The following ZNF626 variants were observed in gnomAD, a reference collection of about 807,000 sequenced individuals.
The protein encoded by ZNF626 is CTC-513N18.7.
ZNF626 carries 4 observed loss-of-function variants against 11.7 expected under a neutral mutation model. The ratio of observed to expected loss-of-function variants is 0.34; its 90% CI spans 0.17 to 0.78. The LOEUF (loss-of-function observed/expected upper bound fraction) is 0.78, where lower values mean the gene tolerates loss of function less well. Ranked by LOEUF, ZNF626 falls within the 30% of genes least tolerant of loss-of-function variation. The probability of loss-of-function intolerance (pLI) is 0.57; values close to 1 mark genes in which losing one functional copy is unlikely to be tolerated. For synonymous variants in ZNF626, 179 were observed against 198.6 expected, an observed-to-expected ratio of 0.90 and a Z score of 0.83; for missense variants, 588 against 587.1, an observed-to-expected ratio of 1.00 and a Z score of -0.01.
chr19:20,654,367 T>G (rs1220931039), intron 1 of ZNF626, among the ~76,000 whole-genome samples: 1 of 141,668 alleles, frequency 7.1e-6, no homozygotes, highest in Non-Finnish European at 1.6e-5. Flanking sequence ...TGCTTGAACC[T>G]CGGAGGCGGA....
chr19:20,653,765 G>A (rs1157722249), intron 1 of ZNF626, among the ~76,000 whole-genome samples: 1 of 152,076 alleles, frequency 6.6e-6, no homozygotes, highest in East Asian at 1.9e-4. Flanking sequence ...CATTGAATGG[G>A]GGTCTATATT....
At chr19:20,632,221 A>G (rs1555770435) in intron 3 of ZNF626, among the ~76,000 whole-genome samples, 1 of 151,986 alleles carries the variant, frequency 6.6e-6, no homozygotes, top group African/African-American at 2.4e-5. Context: ...TGCTCTTAAC[A>G]TTTTTTCCTT....
At chr19:20,627,523 G>A (rs1435673123) in intron 3 of ZNF626, among the ~76,000 whole-genome samples, 1 of 151,692 alleles carries the variant, frequency 6.6e-6, no homozygotes, top group East Asian at 1.9e-4. Context: ...GAAAGAAAAG[G>A]AAAGACAAAG....
intron 3 of ZNF626, among the ~76,000 whole-genome samples, chr19:20,626,610 T>C (rs576899280): frequency 3.7e-4 from 56 of 152,014 alleles, no homozygotes; most frequent in African/African-American, 1.2e-3. Flanking sequence ...CCCAGCTACT[T>C]GGGAGGCTGA....
In ZNF626 at chr19:20,625,251, G is replaced by C. The variant is rs1969813127; in HGVS notation, c.626C>G (p.Ala209Gly). ...AGTAAGGCTACAAGAGTGGTTAAAG[G>C]CTTTGCCACATTCTTCACATTTGTA... ...KPYKCEECGK[A>G]FNHSCSLTRH... Residue 209 changes from alanine to glycine, a missense_variant, in exon 4 of 4, where the codon GCC becomes GGC. Physicochemically the swap from Ala to Gly is moderately conservative, Grantham distance 60. Coordinates refer to ENST00000601440, the MANE Select transcript of ZNF626 (RefSeq NM_001076675.3). 1 of 1,613,576 alleles carries C rather than the reference G, an allele frequency of 6.2e-7. No individual in the cohort carries two copies. Among genetic ancestry groups the C allele is most frequent in the African/African-American group, 1.3e-5 (1 of 74,904 alleles).
intron 3 of ZNF626, among the ~76,000 whole-genome samples, chr19:20,626,806 G>A (rs1555769808): frequency 1.3e-5 from 2 of 150,740 alleles, no homozygotes; most frequent in East Asian, 4.0e-4. Context: ...TTTGAGGTCA[G>A]GAGTCCAAAA....
At position 20,625,197 on chromosome 19, in the gene ZNF626, T is replaced by C; in HGVS notation, c.680A>G (p.Lys227Arg). 6.2e-7 allele frequency: 1 copy of C among 1,613,306 alleles called. No individual in the cohort carries two copies. Among genetic ancestry groups the C allele is most frequent in the South Asian group, 1.1e-5 (1 of 91,066 alleles). ...GCCACATTCTTCACATTTGTAGGGT[T>C]TCTCTCCAGTATGAATTTTCTTATG... ...TRHKKIHTGE[K>R]PYKCEECGKA... Residue 227 changes from lysine (K) to arginine (R), a missense_variant, in exon 4 of 4, where the codon AAA (lysine) becomes AGA (arginine). This residue lies in a region of ZNF626 where 524 missense variants were observed against 470.1 expected (regional missense o/e 1.11). Transcript: ENST00000601440.
intron 1 of ZNF626, among the ~76,000 whole-genome samples, chr19:20,658,819 A>G (rs782169001): frequency 2.0e-5 from 3 of 152,118 alleles, no homozygotes; most frequent in South Asian, 2.1e-4. Flanking sequence ...GCAGAGGCCA[A>G]TCAAAAACCC....
At chr19:20,645,494 G>A in intron 3 of ZNF626, 190 bp downstream of exon 3, 5 of 1,584,230 alleles carry the variant, frequency 3.2e-6, no homozygotes, top group Non-Finnish European at 4.3e-6. Context: ...GCATAAGACA[G>A]AAGATGCCCC....
At chr19:20,629,837 G>C (rs11085367) in intron 3 of ZNF626, among the ~76,000 whole-genome samples, 68,309 of 151,980 alleles carry the variant, frequency 0.45, 16,627 homozygotes, top group African/African-American at 0.64. Flanking sequence ...TGGTGAGAGA[G>C]GGCATCCCTG....
chr19:20,661,552 C>T lies in ZNF626; in HGVS notation c.-106G>A. Reference sequence around the variant, plus strand: ...TTTAGGAGAAGAACCAGACCTGGAGCTCTGACTGCAGCGAGAGACAAAGGC... The same window carrying T: ...TTTAGGAGAAGAACCAGACCTGGAGTTCTGACTGCAGCGAGAGACAAAGGC... On this transcript the variant is annotated 5_prime_UTR_variant, in exon 1 of 4. Coordinates refer to ENST00000601440, the MANE Select transcript of ZNF626 (RefSeq NM_001076675.3). 1.5e-6 allele frequency: 2 copies of T among 1,302,946 alleles called. No homozygotes were observed. The highest frequency in any genetic ancestry group is 1.3e-5 in the South Asian group (1 of 75,220). The allele number at this position is 1,302,946 out of a possible 1,614,324, so 80.7% of individuals were successfully genotyped here.
intron 1 of ZNF626, among the ~76,000 whole-genome samples, chr19:20,660,091 G>C (rs958506220): frequency 1.3e-5 from 2 of 151,776 alleles, no homozygotes; most frequent in African/African-American, 4.8e-5. Context: ...GAGAAAACCC[G>C]TCTCTACTAA....
rs1419773171 is a variant in ZNF626 at position 20,622,319 on chromosome 19, AT to A, written c.*1970del. The A allele has an allele frequency of 6.6e-6, 1 of 152,214 alleles. No homozygotes were observed. Among genetic ancestry groups the A allele is most frequent in the African/African-American group, 2.4e-5 (1 of 41,464 alleles). 9.4% of individuals were successfully genotyped at this position (152,214 alleles called of 1,614,324 possible). ...AATAATTGATATACTTTAATTTATA[AT>A]TTCTTTCTCTCAGTATAATGTAGAA... On this transcript the variant is annotated 3_prime_UTR_variant, in exon 4 of 4. Transcript: ENST00000601440.
In ZNF626 at chr19:20,624,702, G is replaced by C. The variant is rs782104505; in HGVS notation, c.1175C>G (p.Thr392Ser). ...SDLTTHKIIH[T>S]GEKPYKCEEC... ...TTCACATTTGTAGGGTTTCTCTCCA[G>C]TATGAATTATCTTATGCGTAGTAAG... The change falls in exon 4 of 4, where the codon ACT becomes AGT. Residue 392 changes from threonine to serine, a missense_variant. Around this residue, in one of 4 missense-constraint regions of ZNF626, gnomAD observed 524 missense variants for 470.1 expected, o/e 1.11. Coordinates refer to ENST00000601440, the MANE Select transcript of ZNF626 (RefSeq NM_001076675.3). The C allele has an allele frequency of 6.2e-7, 1 of 1,610,030 alleles. No individual in the cohort carries two copies. Among genetic ancestry groups the C allele is most frequent in the South Asian group, 1.1e-5 (1 of 90,712 alleles).
chr19:20,625,996 C>T (rs1969827141), intron 3 of ZNF626, among the ~76,000 whole-genome samples: 2 of 152,178 alleles, frequency 1.3e-5, no homozygotes, highest in Admixed American at 1.3e-4. Context: ...GCTGGGGTGA[C>T]ACACGCCTGT....
At chr19:20,642,426 C>G (rs1555771560) in intron 3 of ZNF626, among the ~76,000 whole-genome samples, 2 of 152,074 alleles carry the variant, frequency 1.3e-5, no homozygotes, top group Admixed American at 6.5e-5. Flanking sequence ...GGTGAAACAC[C>G]ATCTCGAATA....
At chr19:20,636,917 A>T (rs150921461) in intron 3 of ZNF626, among the ~76,000 whole-genome samples, 4 of 151,070 alleles carry the variant, frequency 2.6e-5, no homozygotes, top group African/African-American at 9.7e-5. Flanking sequence ...GCTACTGAGG[A>T]GGACAAGGCA....
Position 20,625,348 on chromosome 19 carries a change from C to G in ZNF626, c.529G>C (p.Glu177Gln), listed in dbSNP as rs1555769458. Residue 177 changes from glutamate (E) to glutamine (Q), a missense_variant, in exon 4 of 4, where the codon GAA (glutamate) becomes CAA (glutamine). Transcript: ENST00000601440. Reference sequence around the variant, plus strand: ...AACTGCTTAAAAGCTTTGCCACATTCTATATATTTGAAAGGTTTTTTCCCA... The same window carrying G: ...AACTGCTTAAAAGCTTTGCCACATTGTATATATTTGAAAGGTTTTTTCCCA... ...HTGKKPFKYI[E>Q]CGKAFKQFST... 9 of 1,613,972 alleles carry G rather than the reference C, an allele frequency of 5.6e-6. No homozygotes were observed. The highest frequency in any genetic ancestry group is 7.6e-6 in the Non-Finnish European group (9 of 1,179,976).
intron 3 of ZNF626, among the ~76,000 whole-genome samples, chr19:20,630,612 G>T (rs1555770269): frequency 6.6e-6 from 1 of 151,192 alleles, no homozygotes; most frequent in East Asian, 1.9e-4. Flanking sequence ...ATTTCTGTGG[G>T]ATCGGTGGTG....
Sources: gnomAD v4.1 joint callset for allele counts (sites outside exome capture counted in the v4.1 genomes callset) on GRCh38, gnomAD v4.1.1 for gene constraint, gnomAD v4.1.1 regional missense constraint, MANE v1.5 for transcripts, NCBI Gene and HGNC (gene_info 2026-07-23, HGNC 2026-07-21) for gene names.